MMD2: variants seen among roughly 807,000 people sequenced by gnomAD.
The protein encoded by MMD2 is monocyte to macrophage differentiation associated 2.
Under a neutral mutation model 33.5 loss-of-function variants are expected in MMD2, and 30 were observed. The observed-to-expected ratio is 0.90, with a 90% CI of 0.67 to 1.22. MMD2 has a LOEUF of 1.22. Ranked by LOEUF, MMD2 falls within the 50% of genes most tolerant of loss-of-function variation. The probability of loss-of-function intolerance (pLI) is 0.00; values close to 1 mark genes in which losing one functional copy is unlikely to be tolerated. For synonymous variants in MMD2, 129 were observed against 123.0 expected, an observed-to-expected ratio of 1.05 and a Z score of -0.32; for missense variants, 364 against 325.4, an observed-to-expected ratio of 1.12 and a Z score of -0.91.
rs71004603 is a variant in MMD2 at position 4,950,712 on chromosome 7, C to CT, written c.47+8258dup. Among the ~76,000 whole-genome samples, 740 of 133,902 alleles carry CT rather than the reference C, an allele frequency of 5.5e-3. 1 individual carries two copies. Among genetic ancestry groups the CT allele is most frequent in the African/African-American group, 6.1e-3 (227 of 37,192 alleles). 87.8% of individuals were successfully genotyped at this position (133,902 alleles called of 152,430 possible). On this transcript the variant is annotated intron_variant, in intron 1 of 6. Transcript: ENST00000401401. ...TTTTTAAAGCTAAATTTCTTTCCTT[C>CT]TTTTTTTTTTTTTTTTGAGATGGAG...
At chr7:4,899,140 C>T in the MMD2 span, among the ~76,000 whole-genome samples, 7 of 152,110 alleles carry the variant, frequency 4.6e-5, no homozygotes, top group African/African-American at 9.7e-5. Flanking sequence ...GAGAAAACAC[C>T]ACCTACGAAC....
chr7:4,930,839 T>C (rs1220668202), intron 1 of MMD2, among the ~76,000 whole-genome samples: 1 of 152,020 alleles, frequency 6.6e-6, no homozygotes, highest in Non-Finnish European at 1.5e-5. Flanking sequence ...CGTGCTTGTT[T>C]TTTTCTTTAT....
rs116719346 is a variant in MMD2, at chr7:4,928,582, C to T, written c.48-3050G>A. Among the ~76,000 whole-genome samples, 536 of 151,758 alleles carry T rather than the reference C, an allele frequency of 3.5e-3. 2 individuals carry two copies. Among genetic ancestry groups the T allele is most frequent in the African/African-American group, 0.012 (509 of 41,354 alleles). On this transcript the variant is annotated intron_variant, in intron 1 of 6. Transcript: ENST00000401401. ...GCAGGTTCTGTGTGCTGACTCCATG[C>T]TAAGTATAGTTCATGAAGCATTCAT...
At chr7:4,893,240 G>T in the MMD2 span, among the ~76,000 whole-genome samples, 1 of 152,008 alleles carries the variant, frequency 6.6e-6, no homozygotes, top group African/African-American at 2.4e-5. Flanking sequence ...GTCCAAGAAA[G>T]AATTCAGGGA....
At chr7:4,930,864 A>G (rs1469897668) in intron 1 of MMD2, among the ~76,000 whole-genome samples, 4 of 151,962 alleles carry the variant, frequency 2.6e-5, no homozygotes, top group African/African-American at 9.7e-5. Context: ...ATTTCTTTTT[A>G]ATTTGAGACC....
At chr7:4,910,780 C>T (rs116619942) in intron 5 of MMD2, among the ~76,000 whole-genome samples, 2,215 of 152,240 alleles carry the variant, frequency 0.015, 56 homozygotes, top group African/African-American at 0.051. Flanking sequence ...AGGCACCCAT[C>T]ATGACACCCA....
intron 6 of MMD2, among the ~76,000 whole-genome samples, chr7:4,909,024 T>C (rs993659225): frequency 2.0e-5 from 3 of 152,014 alleles, no homozygotes; most frequent in Admixed American, 2.0e-4. Flanking sequence ...GAACTGAATA[T>C]TTTACCACAG....
chr7:4,936,327 C>A lies in MMD2; in HGVS notation c.48-10795G>T, dbSNP rs535311807. On this transcript the variant is annotated intron_variant, in intron 1 of 6. Transcript: ENST00000401401. ...ATTAGTGTAAAACACACACACACCC[C>A]AACATTTTAGAAACATAAATGCATA... is the stretch of plus-strand genomic sequence containing the variant. Among the ~76,000 whole-genome samples, 6 of 152,010 alleles carry A rather than the reference C, an allele frequency of 3.9e-5. No individual in the cohort carries two copies. The East Asian group carries it at 9.6e-4, about 24-fold the overall frequency.
chr7:4,937,540 G>T (rs951940523), intron 1 of MMD2, among the ~76,000 whole-genome samples: 2 of 151,936 alleles, frequency 1.3e-5, no homozygotes, highest in African/African-American at 4.8e-5. Flanking sequence ...ACAGGTTCTC[G>T]CCCTGTCATT....
At chr7:4,896,477 C>G in the MMD2 span, among the ~76,000 whole-genome samples, 7,417 of 152,070 alleles carry the variant, frequency 0.049, 613 homozygotes, top group African/African-American at 0.17. Context: ...GAGACTCTGT[C>G]GCAAAAAAAT....
intron 1 of MMD2, among the ~76,000 whole-genome samples, chr7:4,950,806 C>T (rs575522306): frequency 2.0e-5 from 3 of 151,506 alleles, no homozygotes; most frequent in East Asian, 2.0e-4. Context: ...CTCTGCCTCC[C>T]GGATTCAAGC....
chr7:4,909,282 G>C (rs1441047563), intron 6 of MMD2, among the ~76,000 whole-genome samples: 1 of 151,606 alleles, frequency 6.6e-6, no homozygotes, highest in Non-Finnish European at 1.5e-5. Context: ...AGGAGATCGA[G>C]ACCAGCCTGG....
downstream of MMD2, among the ~76,000 whole-genome samples, chr7:4,902,843 C>T (rs1784812608): frequency 6.6e-6 from 1 of 152,206 alleles, no homozygotes; most frequent in Non-Finnish European, 1.5e-5. Flanking sequence ...CATGGGCACC[C>T]TTAGCACCCC....
At chr7:4,909,185 G>A (rs1001865045) in intron 6 of MMD2, among the ~76,000 whole-genome samples, 3 of 151,994 alleles carry the variant, frequency 2.0e-5, no homozygotes, top group Non-Finnish European at 2.9e-5. Flanking sequence ...AACACGAGTT[G>A]TTCTTAGTGA....
At chr7:4,930,310 G>C (rs535795010) in intron 1 of MMD2, among the ~76,000 whole-genome samples, 2 of 148,480 alleles carry the variant, frequency 1.3e-5, no homozygotes, top group South Asian at 4.3e-4. Context: ...ACTGCAGTAG[G>C]GTGGGCCCCC....
In MMD2 at chr7:4,916,042, C is replaced by T. The variant is rs756690181; in HGVS notation, c.328G>A (p.Val110Ile). 8.7e-6 allele frequency: 14 copies of T among 1,613,780 alleles called. No homozygotes were observed. Among genetic ancestry groups the T allele is most frequent in the Non-Finnish European group, 1.2e-5 (14 of 1,179,876 alleles). ...EHCLHMFDRM[V>I]IYFFIAASYA... Reference sequence around the variant, plus strand: ...GAAGCCGCTATGAAGAAATAGATGACCATCCGGTCGAACATGTGTAGACAG... The same window carrying T: ...GAAGCCGCTATGAAGAAATAGATGATCATCCGGTCGAACATGTGTAGACAG... The change falls in exon 4 of 7, where the codon GTC (valine) becomes ATC (isoleucine). Residue 110 changes from valine to isoleucine, a missense_variant. By Grantham distance (29) the Val-to-Ile change is conservative. Transcript: ENST00000401401.
At chr7:4,928,888 T>C (rs1207524017) in intron 1 of MMD2, among the ~76,000 whole-genome samples, 1 of 141,718 alleles carries the variant, frequency 7.1e-6, no homozygotes, top group African/African-American at 2.6e-5. Context: ...CAGCTCATGG[T>C]GCATTTATTA....
chr7:4,913,732 A>T (rs1785071380), intron 4 of MMD2, among the ~76,000 whole-genome samples: 2 of 150,764 alleles, frequency 1.3e-5, no homozygotes, highest in Admixed American at 6.6e-5. Context: ...AAAAAAAAAA[A>T]AAAAAAAAAA....
chr7:4,896,838 C>G, the MMD2 span, among the ~76,000 whole-genome samples: 1 of 151,758 alleles, frequency 6.6e-6, no homozygotes, highest in African/African-American at 2.4e-5. Flanking sequence ...CATTTTCTTT[C>G]TTTATTTTTC....
Sources: gnomAD v4.1 joint callset for allele counts (sites outside exome capture counted in the v4.1 genomes callset) on GRCh38, gnomAD v4.1.1 for gene constraint, MANE v1.5 for transcripts, NCBI Gene and HGNC (gene_info 2026-07-23, HGNC 2026-07-21) for gene names.